The following IL1R1 variants were observed in gnomAD, a reference collection of about 807,000 sequenced individuals.
The protein encoded by IL1R1 is interleukin 1 receptor type 1.
In IL1R1, 22 loss-of-function variants were observed where a neutral mutation model predicts 50.2. The ratio of observed to expected loss-of-function variants is 0.44; its 90% CI spans 0.31 to 0.63. IL1R1 has a LOEUF of 0.63. Among genes scored for constraint, IL1R1 ranks in the 20% least tolerant of loss-of-function variants. IL1R1 has a pLI of 0.07. For missense variants in IL1R1, 509 were observed against 676.2 expected (o/e 0.75, Z 2.74); for synonymous variants, 251 against 236.7 (o/e 1.06, Z -0.55).
intron 1 of IL1R1, among the ~76,000 whole-genome samples, chr2:102,120,121 C>T (rs751528770): frequency 6.6e-6 from 1 of 152,070 alleles, no homozygotes; most frequent in Non-Finnish European, 1.5e-5. Context: ...CAGATCGGAC[C>T]TACAGCCCTC....
intron 1 of IL1R1, among the ~76,000 whole-genome samples, chr2:102,089,834 CTTTTT>C (rs36099195): frequency 7.4e-6 from 1 of 134,248 alleles, no homozygotes. Context: ...TTTGGTTTAT[CTTTTT>C]TTTTTTTTTT....
intron 1 of IL1R1, among the ~76,000 whole-genome samples, chr2:102,128,391 A>G (rs1681841959): frequency 1.3e-5 from 2 of 152,236 alleles, no homozygotes; most frequent in Non-Finnish European, 2.9e-5. Context: ...TGCTCATTTT[A>G]TACGTTCAAA....
intron 1 of IL1R1, among the ~76,000 whole-genome samples, chr2:102,132,533 A>G (rs1187237350): frequency 1.3e-5 from 2 of 152,176 alleles, no homozygotes; most frequent in African/African-American, 4.8e-5. Flanking sequence ...AGTAACTAGA[A>G]AAAGGAATAA....
At chr2:102,154,622 C>T (rs746872504) in intron 2 of IL1R1, among the ~76,000 whole-genome samples, 1 of 152,180 alleles carries the variant, frequency 6.6e-6, no homozygotes, top group Non-Finnish European at 1.5e-5. Context: ...GCAGCTGGCC[C>T]AGCCCTCATC....
At chr2:102,142,150 G>T (rs1381881726), upstream of IL1R1, among the ~76,000 whole-genome samples, 1 of 152,172 alleles carries the variant, frequency 6.6e-6, no homozygotes, top group African/African-American at 2.4e-5. Flanking sequence ...CAGATAACGC[G>T]TGAGTAGTAT....
chr2:102,125,573 A>G, intron 1 of IL1R1, among the ~76,000 whole-genome samples: 1 of 152,206 alleles, frequency 6.6e-6, no homozygotes, highest in East Asian at 1.9e-4. Context: ...GGGTATCTAA[A>G]AGGGAGAAAG....
chr2:102,103,986 C>G (rs13033864), upstream of IL1R1, among the ~76,000 whole-genome samples: 6 of 99,980 alleles, frequency 6.0e-5, no homozygotes, highest in East Asian at 8.8e-4. Context: ...GCAAGACTGT[C>G]TCAGAAAAAA....
At chr2:102,134,021 A>G (rs1332129234) in intron 1 of IL1R1, among the ~76,000 whole-genome samples, 1 of 152,250 alleles carries the variant, frequency 6.6e-6, no homozygotes, top group African/African-American at 2.4e-5. Flanking sequence ...TTAAAAATCT[A>G]CTAGAACTAA....
intron 5 of IL1R1, 46 bp downstream of exon 5, chr2:102,165,350 A>G (rs200210936): frequency 5.5e-5 from 61 of 1,105,012 alleles, no homozygotes; most frequent in Non-Finnish European, 7.4e-5. Context: ...AGAAAATAAA[A>G]TAGTTCCCTG....
At chr2:102,084,987 G>A (rs1445235293) in intron 1 of IL1R1, among the ~76,000 whole-genome samples, 1 of 152,204 alleles carries the variant, frequency 6.6e-6, no homozygotes, top group Non-Finnish European at 1.5e-5. Context: ...GGCTAATGCA[G>A]TTGAACACTT....
At position 102,176,732 on chromosome 2, in the gene IL1R1, A is replaced by G. The variant is rs1220571896; in HGVS notation, c.1683A>G (p.Gln561=). Residue 561 remains glutamine, a synonymous_variant, in exon 12 of 12, where the codon CAA becomes CAG. Coordinates refer to ENST00000410023, the MANE Select transcript of IL1R1 (RefSeq NM_000877.4). ...CACCAGCCACTAAGGAGAAACTGCA[A>G]AGAGAGGCTCACGTGCCTCTCGGGT... ...LLSPATKEKL[Q]REAHVPLG is the part of the protein sequence containing the mutation. The G allele has an allele frequency of 1.9e-6, 3 of 1,613,964 alleles. No homozygotes were observed. Among genetic ancestry groups the G allele is most frequent in the African/African-American group, 2.7e-5 (2 of 74,914 alleles).
chr2:102,092,048 A>G (rs906799717), intron 1 of IL1R1, among the ~76,000 whole-genome samples: 2 of 152,192 alleles, frequency 1.3e-5, no homozygotes, highest in African/African-American at 2.4e-5. Context: ...CAAAGCTTCC[A>G]CATCCATTTC....
chr2:102,171,922 T>A lies in IL1R1; in HGVS notation c.839+4T>A. On this transcript the variant is annotated splice_donor_region_variant and intron_variant, in intron 8 of 11. Transcript: ENST00000410023. ...TGCTAGGGGAAGACTATTACAGGTA[T>A]GTATGCTAAGAGTTATTCACATTTT... 4 of 1,445,628 alleles carry A rather than the reference T, an allele frequency of 2.8e-6. No individual in the cohort carries two copies. The highest frequency in any genetic ancestry group is 3.9e-6 in the Non-Finnish European group (4 of 1,035,526). 89.6% of individuals were successfully genotyped at this position (1,445,628 alleles called of 1,614,324 possible). A position where few individuals can be genotyped will look rare whatever the true frequency, so the allele number is the denominator to read the frequency against.
chr2:102,088,691 G>A (rs1001829237), intron 1 of IL1R1, among the ~76,000 whole-genome samples: 1 of 152,226 alleles, frequency 6.6e-6, no homozygotes, highest in African/African-American at 2.4e-5. Flanking sequence ...AAAAGTCCTA[G>A]ATGGCATTTT....
At chr2:102,124,439 C>T (rs1038167423) in intron 1 of IL1R1, among the ~76,000 whole-genome samples, 1 of 148,322 alleles carries the variant, frequency 6.7e-6, no homozygotes, top group South Asian at 2.2e-4. Context: ...ACTGCCCCCC[C>T]AAAAAAGAAA....
intron 1 of IL1R1, among the ~76,000 whole-genome samples, chr2:102,078,161 A>C (rs992250850): frequency 6.6e-6 from 1 of 152,116 alleles, no homozygotes; most frequent in African/African-American, 2.4e-5. Context: ...AAACTAAAAA[A>C]GAAGAGAATA....
At chr2:102,070,839 A>T (rs954909498) in intron 1 of IL1R1, among the ~76,000 whole-genome samples, 2 of 152,070 alleles carry the variant, frequency 1.3e-5, no homozygotes, top group African/African-American at 4.8e-5. Context: ...ACACTCATGA[A>T]GATATACCAT....
At chr2:102,128,317 T>C (rs1302025104) in intron 1 of IL1R1, among the ~76,000 whole-genome samples, 3 of 152,192 alleles carry the variant, frequency 2.0e-5, no homozygotes, top group Admixed American at 2.0e-4. Flanking sequence ...AGAAATACTG[T>C]CAGGTACACG....
chr2:102,117,519 T>C (rs1309264748), intron 1 of IL1R1, among the ~76,000 whole-genome samples: 1 of 152,242 alleles, frequency 6.6e-6, no homozygotes, highest in East Asian at 1.9e-4. Flanking sequence ...CTTAAATAGC[T>C]GCCAACATCG....
Sources: allele counts gnomAD v4.1 joint callset (sites outside exome capture counted in the v4.1 genomes callset), GRCh38; gene constraint gnomAD v4.1.1; transcripts MANE v1.5; gene names NCBI Gene and HGNC (gene_info 2026-07-23, HGNC 2026-07-21).